The following SYTL5 variants were observed in gnomAD, a reference collection of about 807,000 sequenced individuals.
SYTL5 encodes the protein synaptotagmin-like protein 5.
SYTL5 carries 34 observed loss-of-function variants against 55.9 expected under a neutral mutation model. The observed-to-expected ratio is 0.61, with a 90% CI of 0.46 to 0.81. SYTL5 has a LOEUF of 0.81. SYTL5 is among the 30% of genes least tolerant of loss of function. SYTL5 has a pLI of 0.00. For missense variants in SYTL5, 637 were observed against 546.7 expected, an observed-to-expected ratio of 1.17 and a Z score of -1.65; for synonymous variants, 221 against 188.7, an observed-to-expected ratio of 1.17 and a Z score of -1.40.
the SYTL5 span, among the ~76,000 whole-genome samples, chrX:37,912,625 G>A: frequency 1.8e-5 from 2 of 112,005 alleles, no homozygotes; most frequent in Non-Finnish European, 3.8e-5. Context: ...TGATGCTGAT[G>A]ACTCATCGAA....
chrX:38,062,331 A>C (rs754577335), intron 3 of SYTL5, among the ~76,000 whole-genome samples: 1 of 112,171 alleles, frequency 8.9e-6, no homozygotes, highest in Non-Finnish European at 1.9e-5. Context: ...GCTATGTTGC[A>C]ACATATTACC....
At chrX:38,114,878 T>C (rs1277426345) in intron 13 of SYTL5, among the ~76,000 whole-genome samples, 2 of 111,322 alleles carry the variant, frequency 1.8e-5, no homozygotes, top group Non-Finnish European at 3.8e-5. Context: ...TACTCTCTGC[T>C]TCTATTAATT....
the SYTL5 span, among the ~76,000 whole-genome samples, chrX:37,912,996 TGTG>T: frequency 8.9e-6 from 1 of 111,891 alleles, no homozygotes; most frequent in South Asian, 3.8e-4. Flanking sequence ...AATTGTGTTG[TGTG>T]GTACTTCTAG....
At chrX:38,039,976 C>A (rs749029491) in intron 2 of SYTL5, among the ~76,000 whole-genome samples, 2 of 110,559 alleles carry the variant, frequency 1.8e-5, no homozygotes, top group Non-Finnish European at 3.8e-5. Flanking sequence ...GAGATCGAGA[C>A]CATCCTGGCT....
the SYTL5 span, among the ~76,000 whole-genome samples, chrX:37,987,606 A>G: frequency 8.9e-6 from 1 of 112,093 alleles, no homozygotes; most frequent in African/African-American, 3.2e-5. Context: ...GCATGAGGTA[A>G]GAAGAAAAGG....
the SYTL5 span, among the ~76,000 whole-genome samples, chrX:37,970,779 T>A: frequency 8.9e-6 from 1 of 112,209 alleles, no homozygotes; most frequent in Non-Finnish European, 1.9e-5. Context: ...TACCAATAGC[T>A]GAGTATTTAG....
chrX:37,980,091 T>C, the SYTL5 span, among the ~76,000 whole-genome samples: 2 of 111,947 alleles, frequency 1.8e-5, no homozygotes, highest in Non-Finnish European at 3.8e-5. Context: ...TTGCTGAGAA[T>C]GATGCCATTT....
chrX:37,943,205 G>T, the SYTL5 span, among the ~76,000 whole-genome samples: 14 of 112,348 alleles, frequency 1.2e-4, no homozygotes, highest in South Asian at 4.8e-3. Context: ...GAGGCTTACT[G>T]CTGAGAGTAT....
intron 1 of SYTL5, among the ~76,000 whole-genome samples, chrX:38,011,120 G>A (rs1934165176): frequency 8.9e-6 from 1 of 112,191 alleles, no homozygotes; most frequent in South Asian, 3.7e-4. Flanking sequence ...GTCCTAGACT[G>A]CTGTTACATG....
the SYTL5 span, among the ~76,000 whole-genome samples, chrX:37,905,565 G>A: frequency 1.3e-4 from 14 of 110,586 alleles, no homozygotes; most frequent in South Asian, 4.0e-4. Flanking sequence ...GAGGCTTCCG[G>A]AGCCACCACA....
At chrX:38,010,379 T>C (rs1274312975) in intron 1 of SYTL5, among the ~76,000 whole-genome samples, 3 of 111,194 alleles carry the variant, frequency 2.7e-5, no homozygotes, top group African/African-American at 9.8e-5. Context: ...TGGACACATG[T>C]ACCTAGATGA....
At chrX:37,893,992 A>G in the SYTL5 span, among the ~76,000 whole-genome samples, 1 of 108,943 alleles carries the variant, frequency 9.2e-6, no homozygotes, top group East Asian at 2.9e-4. Context: ...TACCCAGGTA[A>G]CCATTTACAA....
chrX:37,987,466 C>A, the SYTL5 span, among the ~76,000 whole-genome samples: 6 of 112,330 alleles, frequency 5.3e-5, no homozygotes, highest in African/African-American at 1.9e-4. Context: ...GTTTTAACAT[C>A]TGTCTTTCCT....
the SYTL5 span, among the ~76,000 whole-genome samples, chrX:37,997,928 C>A: frequency 8.9e-6 from 1 of 112,355 alleles, no homozygotes; most frequent in Non-Finnish European, 1.9e-5. Flanking sequence ...TCAGCCAGAG[C>A]TGAACAAATG....
At chrX:38,088,272 T>G (rs371301408) in intron 6 of SYTL5, among the ~76,000 whole-genome samples, 5 of 112,087 alleles carry the variant, frequency 4.5e-5, no homozygotes, top group African/African-American at 1.6e-4. Flanking sequence ...TAAAAAATAT[T>G]CCTTTATTCT....
intron 1 of SYTL5, among the ~76,000 whole-genome samples, chrX:38,025,648 C>A (rs1245530763): frequency 1.8e-5 from 2 of 111,966 alleles, no homozygotes; most frequent in Non-Finnish European, 3.8e-5. Flanking sequence ...AGGAATTGAA[C>A]AATAAAAGAA....
At position 38,031,685 on chromosome X, in the gene SYTL5, C is replaced by A. The variant is rs376832321; in HGVS notation, c.-356-1849C>A. ...TGAGTTTTCAATTTTTTTTCCATTTCATCACAATACCAGATGAGATACACA... is the reference window on the plus strand; with the variant it reads ...TGAGTTTTCAATTTTTTTTCCATTTAATCACAATACCAGATGAGATACACA... On this transcript the variant is annotated intron_variant, in intron 1 of 16. Transcript: ENST00000297875. Among the ~76,000 whole-genome samples, 5 of 111,989 alleles carry A rather than the reference C, an allele frequency of 4.5e-5. No individual in the cohort carries two copies. The East Asian group carries it at 1.4e-3, about 31-fold the overall frequency.
chrX:38,061,123 C>T (rs1256536700), intron 3 of SYTL5, among the ~76,000 whole-genome samples: 1 of 112,135 alleles, frequency 8.9e-6, no homozygotes, highest in East Asian at 2.8e-4. Flanking sequence ...GAAGAAACAG[C>T]TCTTTCAATG....
intron 2 of SYTL5, among the ~76,000 whole-genome samples, chrX:38,050,698 G>A (rs1935599034): frequency 8.9e-6 from 1 of 111,808 alleles, no homozygotes; most frequent in Non-Finnish European, 1.9e-5. Context: ...TGATGCTGCA[G>A]TAACAGCTCC....
Sources: gnomAD v4.1 joint callset for allele counts (sites outside exome capture counted in the v4.1 genomes callset) on GRCh38, gnomAD v4.1.1 for gene constraint, MANE v1.5 for transcripts, NCBI Gene and HGNC (gene_info 2026-07-23, HGNC 2026-07-21) for gene names.